TSPEAR: variants seen among roughly 807,000 people sequenced by gnomAD.
TSPEAR encodes thrombospondin type laminin G domain and EAR repeats, also known as thrombospondin-type laminin G domain and EAR repeat-containing protein.
TSPEAR carries 69 observed loss-of-function variants against 71.6 expected under a neutral mutation model. That is an observed-to-expected ratio of 0.96 (90% CI 0.79 to 1.18). The LOEUF (loss-of-function observed/expected upper bound fraction) is 1.18. TSPEAR is among the 50% of genes most tolerant of loss of function. TSPEAR has a pLI of 0.00. For synonymous variants in TSPEAR, 402 were observed against 387.2 expected (o/e 1.04, Z -0.45); for missense variants, 971 against 894.9 (o/e 1.09, Z -1.09).
At chr21:44,556,158 G>A (rs953215302) in intron 2 of TSPEAR, among the ~76,000 whole-genome samples, 14 of 151,756 alleles carry the variant, frequency 9.2e-5, no homozygotes, top group African/African-American at 2.9e-4. Flanking sequence ...CAGGCAGATC[G>A]CGATGTCAGG....
chr21:44,516,413 C>T (rs782788299), intron 9 of TSPEAR: 3 of 152,470 alleles, frequency 2.0e-5, no homozygotes, highest in Non-Finnish European at 4.4e-5. Context: ...GCTGGGAGCT[C>T]CTCTGATTCC....
chr21:44,558,762 T>C (rs1171285685), intron 2 of TSPEAR: 5 of 1,559,316 alleles, frequency 3.2e-6, no homozygotes, highest in Non-Finnish European at 4.3e-6. Context: ...AGTGAGTGAG[T>C]GTGGGAGTGA....
At chr21:44,697,921 T>C (rs1398892313) in intron 1 of TSPEAR, 3 of 1,612,068 alleles carry the variant, frequency 1.9e-6, no homozygotes, top group Non-Finnish European at 2.5e-6. Flanking sequence ...GCCCCACATG[T>C]TCCCGCCTGG....
At chr21:44,519,231 C>A (rs1226823157) in intron 9 of TSPEAR, 1 of 153,030 alleles carries the variant, frequency 6.5e-6, no homozygotes, top group Non-Finnish European at 1.5e-5. Flanking sequence ...CAGGGTTTCA[C>A]CGTGTTCACC....
At chr21:44,602,667 G>A (rs746569339) in intron 1 of TSPEAR, among the ~76,000 whole-genome samples, 18 of 152,252 alleles carry the variant, frequency 1.2e-4, no homozygotes, top group Non-Finnish European at 1.6e-4. Context: ...GCGTAGCCCA[G>A]GCAGAAGCTG....
chr21:44,528,605 T>C (rs782234301), intron 5 of TSPEAR, 22 bp from the exon 6 acceptor site: 23 of 1,611,982 alleles, frequency 1.4e-5, no homozygotes, highest in Non-Finnish European at 2.0e-5. Context: ...ACCAGGAAGA[T>C]GAGTTTCCAG....
rs143840354 is a variant in TSPEAR at position 44,504,858 on chromosome 21, G to A, written c.1778C>T (p.Ser593Leu). Reference protein sequence around the residue: ...TCSALDWEFFSVGEDYFLVVA... With the variant: ...TCSALDWEFFLVGEDYFLVVA... ...CACCAGGAAATAATCTTCTCCCACC[G>A]AGAAAAACTCCCAGTCCAGAGCACT... Residue 593 changes from serine to leucine, a missense_variant, in exon 11 of 12, where the codon TCG becomes TTG. Coordinates refer to ENST00000323084, the MANE Select transcript of TSPEAR (RefSeq NM_144991.3). 159 of 1,613,688 alleles carry A rather than the reference G, an allele frequency of 9.9e-5. No homozygotes were observed. The African/African-American group carries it at 1.8e-3, about 18-fold the overall frequency.
At chr21:44,641,816 C>T (rs781830588) in intron 1 of TSPEAR, among the ~76,000 whole-genome samples, 19 of 152,292 alleles carry the variant, frequency 1.2e-4, no homozygotes, top group South Asian at 6.2e-4. Flanking sequence ...GAAGAAATTC[C>T]GCACCTAGAC....
chr21:44,539,786 C>T lies in TSPEAR; in HGVS notation c.304-5863G>A, dbSNP rs369806341. The T allele has an allele frequency of 2.5e-6, 4 of 1,611,930 alleles. No individual in the cohort carries two copies. The African/African-American group carries it at 4.0e-5, about 16-fold the overall frequency. ...AGTTGGCTGGCAGCTAGACTGCTGGCAGCATGAAGAGGAATCCTTAGAGCA... is the reference window on the plus strand; with the variant it reads ...AGTTGGCTGGCAGCTAGACTGCTGGTAGCATGAAGAGGAATCCTTAGAGCA... On this transcript the variant is annotated intron_variant, in intron 2 of 11. Coordinates refer to ENST00000323084, the MANE Select transcript of TSPEAR (RefSeq NM_144991.3).
intron 2 of TSPEAR, among the ~76,000 whole-genome samples, chr21:44,554,850 G>C (rs2146040038): frequency 6.6e-6 from 1 of 152,344 alleles, no homozygotes; most frequent in South Asian, 2.1e-4. Flanking sequence ...TATGCTGTAT[G>C]TTGTTTTCAA....
At chr21:44,681,371 C>CGCT (rs1375345052) in intron 1 of TSPEAR, among the ~76,000 whole-genome samples, 2 of 152,204 alleles carry the variant, frequency 1.3e-5, no homozygotes, top group Non-Finnish European at 2.9e-5. Context: ...GGTAAGTCAC[C>CGCT]GCTGTGGCCA....
rs1339421926 is a variant in TSPEAR at position 44,702,668 on chromosome 21, C to G, written c.82+8765G>C. ...CCCACCTGCTGCATGCCCGTCCCCTCCTGTTGTGCACCCGCCTTCTCCTGC... is the reference window on the plus strand; with the variant it reads ...CCCACCTGCTGCATGCCCGTCCCCTGCTGTTGTGCACCCGCCTTCTCCTGC... On this transcript the variant is annotated intron_variant, in intron 1 of 11. Coordinates refer to ENST00000323084, the MANE Select transcript of TSPEAR (RefSeq NM_144991.3). The G allele has an allele frequency of 5.7e-6, 9 of 1,566,306 alleles. No homozygotes were observed. In the East Asian group the frequency reaches 1.6e-4, roughly 27 times the overall value.
chr21:44,652,238 C>G (rs1393231314), intron 1 of TSPEAR, among the ~76,000 whole-genome samples: 1 of 152,226 alleles, frequency 6.6e-6, no homozygotes, highest in African/African-American at 2.4e-5. Context: ...CCGCCTCGGC[C>G]TCCCAGAGTG....
intron 1 of TSPEAR, chr21:44,697,303 G>T (rs782709567): frequency 6.2e-7 from 1 of 1,613,366 alleles, no homozygotes; most frequent in Admixed American, 1.7e-5. Flanking sequence ...ACTGCCCAGA[G>T]AGCTGCTGTG....
chr21:44,646,186 A>G (rs1255520008), intron 1 of TSPEAR, among the ~76,000 whole-genome samples: 3 of 150,252 alleles, frequency 2.0e-5, no homozygotes, highest in South Asian at 2.1e-4. Flanking sequence ...TCTGTGGCCA[A>G]AATAAAAACT....
intron 2 of TSPEAR, among the ~76,000 whole-genome samples, chr21:44,554,104 C>A (rs1252849379): frequency 2.6e-5 from 4 of 152,200 alleles, no homozygotes; most frequent in Non-Finnish European, 5.9e-5. Flanking sequence ...TGTTGAGACC[C>A]TAATTCCAAT....
intron 9 of TSPEAR, chr21:44,517,697 TGGCAGTGGCCAGCGTCCTTGTCCTGCGGG>T (rs587708539): frequency 6.0e-5 from 28 of 465,114 alleles, no homozygotes; most frequent in Middle Eastern, 3.5e-4. Context: ...GAGCCGTGCA[TGGCAGTGGCCAGCGTCCTTGTCCTGCGGG>T]GGCTCTGTGG....
intron 1 of TSPEAR, among the ~76,000 whole-genome samples, chr21:44,589,624 G>A (rs1481225181): frequency 6.6e-6 from 1 of 152,230 alleles, no homozygotes; most frequent in Non-Finnish European, 1.5e-5. Flanking sequence ...CATCGAATGA[G>A]GACCCAGAGC....
chr21:44,568,459 G>A (rs1177482405), intron 1 of TSPEAR, among the ~76,000 whole-genome samples: 4 of 152,188 alleles, frequency 2.6e-5, no homozygotes, highest in South Asian at 2.1e-4. Flanking sequence ...TGCTGCCCTT[G>A]GGTGCTGTGG....
Sources: gnomAD v4.1 joint callset for allele counts (sites outside exome capture counted in the v4.1 genomes callset) on GRCh38, gnomAD v4.1.1 for gene constraint, MANE v1.5 for transcripts, NCBI Gene and HGNC (gene_info 2026-07-23, HGNC 2026-07-21) for gene names.